Variants in KCNAB1 observed in about 807,000 individuals in gnomAD.
KCNAB1 encodes the protein voltage-gated potassium channel subunit beta-1.
In KCNAB1, 35 loss-of-function variants were observed where a neutral mutation model predicts 64.6. The ratio of observed to expected loss-of-function variants is 0.54; its 90% CI spans 0.41 to 0.72. The LOEUF is 0.72. KCNAB1 is among the 30% of genes least tolerant of loss of function. The pLI is 0.00. For missense variants in KCNAB1, 401 were observed against 512.9 expected (o/e 0.78, Z 2.11); for synonymous variants, 177 against 183.8 (o/e 0.96, Z 0.30).
At chr3:156,474,203 G>A (rs1429423560) in intron 7 of KCNAB1, among the ~76,000 whole-genome samples, 1 of 152,002 alleles carries the variant, frequency 6.6e-6, no homozygotes, top group African/African-American at 2.4e-5. Flanking sequence ...TTGAGCAAAG[G>A]CTTCATTTGC....
intron 1 of KCNAB1, among the ~76,000 whole-genome samples, chr3:156,337,782 TC>T (rs997187197): frequency 4.6e-5 from 7 of 152,194 alleles, no homozygotes; most frequent in African/African-American, 1.7e-4. Flanking sequence ...CAGTGATCCA[TC>T]CCTACCTGAA....
rs547965196 is a variant in KCNAB1 at position 156,362,928 on chromosome 3, C to T, written c.276-58688C>T. ...ACCCTGATGAGCCCAGCTCAGTTCT[C>T]GGAACTTTCTGAGGCATTGTCTGTG... On this transcript the variant is annotated intron_variant, in intron 1 of 13. Transcript: ENST00000490337. Among the ~76,000 whole-genome samples the T allele has an allele frequency of 4.6e-5, 7 of 152,326 alleles. No homozygotes were observed. In the South Asian group the frequency reaches 1.4e-3, roughly 32 times the overall value.
intron 1 of KCNAB1, among the ~76,000 whole-genome samples, chr3:156,324,136 T>C (rs1260721956): frequency 2.6e-5 from 4 of 152,126 alleles, no homozygotes; most frequent in Non-Finnish European, 4.4e-5. Flanking sequence ...TAGGGTATGA[T>C]CAGAAATGTG....
intron 7 of KCNAB1, among the ~76,000 whole-genome samples, chr3:156,466,873 AC>A (rs1410051441): frequency 6.6e-6 from 1 of 152,074 alleles, no homozygotes; most frequent in East Asian, 1.9e-4. Flanking sequence ...ATATTATCAA[AC>A]TTTACACTTA....
rs753597482 is a variant in KCNAB1 at position 156,459,885 on chromosome 3, C to T, written c.482+14C>T. The T allele has an allele frequency of 2.5e-6, 4 of 1,592,028 alleles. No homozygotes were observed. The South Asian group carries it at 4.4e-5, about 18-fold the overall frequency. ...GAAAGGCTGGAGGTATTGCATTCGC[C>T]ATAATTATTTGTTTTTAAAAAGGTA... On this transcript the variant is annotated intron_variant, in intron 5 of 13. Coordinates refer to ENST00000490337, the MANE Select transcript of KCNAB1 (RefSeq NM_172160.3).
intron 1 of KCNAB1, among the ~76,000 whole-genome samples, chr3:156,244,953 C>A (rs533654541): frequency 6.6e-6 from 1 of 152,224 alleles, no homozygotes; most frequent in South Asian, 2.1e-4. Flanking sequence ...ATCGCTCCAA[C>A]CTCTGGCCAC....
intron 1 of KCNAB1, among the ~76,000 whole-genome samples, chr3:156,190,576 C>T (rs1183975544): frequency 6.6e-6 from 1 of 152,210 alleles, no homozygotes; most frequent in Non-Finnish European, 1.5e-5. Context: ...CACTAAACTT[C>T]CTTGAGCCTG....
At position 156,295,523 on chromosome 3, in the gene KCNAB1, A is replaced by G. The variant is rs16825981; in HGVS notation, c.276-126093A>G. The stretch of plus-strand genomic sequence containing the variant: ...ATAAAATGCTTAAAGGCACTATTAT[A>G]TTCACACCATCATTGTATAAGAATA... On this transcript the variant is annotated intron_variant, in intron 1 of 13. Coordinates refer to ENST00000490337, the MANE Select transcript of KCNAB1 (RefSeq NM_172160.3). Among the ~76,000 whole-genome samples the G allele has an allele frequency of 6.1e-3, 928 of 152,360 alleles. 18 individuals are homozygous for G. The South Asian group carries it at 0.077, about 13-fold the overall frequency.
At chr3:156,153,599 CTG>C (rs1715543363) in intron 1 of KCNAB1, among the ~76,000 whole-genome samples, 2 of 152,198 alleles carry the variant, frequency 1.3e-5, no homozygotes, top group Admixed American at 6.5e-5. Context: ...GCCCTCCCCA[CTG>C]TGGTTGGGCG....
At chr3:156,424,589 T>C (rs1401465808) in intron 2 of KCNAB1, among the ~76,000 whole-genome samples, 1 of 152,036 alleles carries the variant, frequency 6.6e-6, no homozygotes, top group Non-Finnish European at 1.5e-5. Context: ...AAGTAAGAAA[T>C]ATATGTAGTG....
chr3:156,536,396 T>G, intron 13 of KCNAB1: 3 of 325,322 alleles, frequency 9.2e-6, no homozygotes, highest in Non-Finnish European at 5.6e-6. Flanking sequence ...GTGGCTTGCA[T>G]TATATTTCTG....
At position 156,343,334 on chromosome 3, in the gene KCNAB1, T is replaced by C. The variant is rs538025168; in HGVS notation, c.276-78282T>C. ...TCCCAGGTGATGCTGTTGCTGCTGG[T>C]CTACTCTTTGAGTTTAGGCCTTAAA... On this transcript the variant is annotated intron_variant, in intron 1 of 13. Transcript: ENST00000490337. Among the ~76,000 whole-genome samples, 22 of 152,350 alleles carry C rather than the reference T, an allele frequency of 1.4e-4. No homozygotes were observed. The Middle Eastern group carries it at 0.01, about 71-fold the overall frequency.
chr3:156,273,727 G>C (rs1719173419), intron 1 of KCNAB1: 5 of 447,470 alleles, frequency 1.1e-5, no homozygotes, highest in Admixed American at 2.4e-5. Context: ...TGCTTTTTTT[G>C]TGTAGATAGT....
chr3:156,204,096 G>C lies in KCNAB1; in HGVS notation c.275+83210G>C, dbSNP rs1409112814. ...AGAGTAGAAACCAAGATGTCAGTGGGAGTAGGAAGACAGCTATTGTTTATT... is the reference window on the plus strand; with the variant it reads ...AGAGTAGAAACCAAGATGTCAGTGGCAGTAGGAAGACAGCTATTGTTTATT... On this transcript the variant is annotated intron_variant, in intron 1 of 13. Transcript: ENST00000490337. 2.6e-5 allele frequency among the ~76,000 whole-genome samples: 4 copies of C among 152,342 alleles called. 1 individual carries two copies. The East Asian group carries it at 7.7e-4, about 29-fold the overall frequency.
chr3:156,153,213 C>T (rs115789064), intron 1 of KCNAB1, among the ~76,000 whole-genome samples: 38 of 152,298 alleles, frequency 2.5e-4, no homozygotes, highest in South Asian at 1.2e-3. Flanking sequence ...GTCTCCCCAG[C>T]GCTCACTTCC....
intron 1 of KCNAB1, among the ~76,000 whole-genome samples, chr3:156,364,846 T>C (rs1409222694): frequency 1.3e-5 from 2 of 151,926 alleles, no homozygotes; most frequent in Non-Finnish European, 2.9e-5. Context: ...GACACTTGAA[T>C]GGGAAAAGAG....
chr3:156,318,046 G>A (rs1452066063), intron 1 of KCNAB1, among the ~76,000 whole-genome samples: 3 of 152,134 alleles, frequency 2.0e-5, no homozygotes, highest in African/African-American at 7.2e-5. Context: ...AGAATAAAAA[G>A]CCAAGCCTGC....
At chr3:156,495,938 G>C (rs185651726) in intron 8 of KCNAB1, among the ~76,000 whole-genome samples, 1 of 152,250 alleles carries the variant, frequency 6.6e-6, no homozygotes, top group African/African-American at 2.4e-5. Context: ...TAGGAGTCTG[G>C]AGTCTGTGCC....
chr3:156,278,920 CA>C (rs1309855154), intron 1 of KCNAB1, among the ~76,000 whole-genome samples: 4 of 152,088 alleles, frequency 2.6e-5, no homozygotes, highest in African/African-American at 9.6e-5. Flanking sequence ...TGAATGTAAA[CA>C]AATTTGGGAA....
Sources: allele counts gnomAD v4.1 joint callset (sites outside exome capture counted in the v4.1 genomes callset), GRCh38; gene constraint gnomAD v4.1.1; transcripts MANE v1.5; gene names NCBI Gene and HGNC (gene_info 2026-07-23, HGNC 2026-07-21).